The following GRIK3 variants were observed in gnomAD, a reference collection of about 807,000 sequenced individuals.
The protein encoded by GRIK3 is glutamate ionotropic receptor kainate type subunit 3.
GRIK3 carries 29 observed loss-of-function variants against 102.5 expected under a neutral mutation model. The ratio of observed to expected loss-of-function variants is 0.28; its 90% CI spans 0.21 to 0.39. The LOEUF (loss-of-function observed/expected upper bound fraction) is 0.39. Ranked by LOEUF, GRIK3 falls within the 10% of genes least tolerant of loss-of-function variation. The probability of loss-of-function intolerance (pLI) is 1.00; values close to 1 mark genes in which losing one functional copy is unlikely to be tolerated. For missense variants in GRIK3, 908 were observed against 1,252.4 expected (o/e 0.73, Z 4.15); for synonymous variants, 511 against 504.9 (o/e 1.01, Z -0.16).
chr1:36,814,517 C>CA (rs1216007450), intron 13 of GRIK3, among the ~76,000 whole-genome samples: 40 of 135,618 alleles, frequency 2.9e-4, no homozygotes, highest in African/African-American at 1.0e-3. Flanking sequence ...AGACCCCCCC[C>CA]CCCCACACAC....
chr1:36,997,135 C>T (rs926526017), intron 1 of GRIK3, among the ~76,000 whole-genome samples: 2 of 152,136 alleles, frequency 1.3e-5, no homozygotes, highest in African/African-American at 4.8e-5. Flanking sequence ...TCTAGGAGCT[C>T]CACCTCCAAG....
Position 36,801,875 on chromosome 1 carries a change from T to C in GRIK3, c.2736A>G (p.Thr912=). Residue 912 remains threonine (T), a synonymous_variant, in exon 16 of 16, where the codon ACA becomes ACG. Coordinates refer to ENST00000373091, the MANE Select transcript of GRIK3 (RefSeq NM_000831.4). ...CCTAGGGGAACACAGGGGCTAAGGA[T>C]GTGCTGCAGGCCATGCTGTCCTTGC... The part of the protein sequence containing the change: ...LPGKDSMACS[T]SLAPVFP 6.2e-7 allele frequency: 1 copy of C among 1,610,718 alleles called. No individual in the cohort carries two copies. Among genetic ancestry groups the C allele is most frequent in the Non-Finnish European group, 8.5e-7 (1 of 1,178,276 alleles).
Position 36,799,242 on chromosome 1 carries a change from GC to G in GRIK3, c.*2608del, listed in dbSNP as rs1347650035. 1 of 152,234 alleles carries G rather than the reference GC, an allele frequency of 6.6e-6. No homozygotes were observed. The highest frequency in any genetic ancestry group is 2.4e-5 in the African/African-American group (1 of 41,446). 9.4% of individuals were successfully genotyped at this position (152,234 alleles called of 1,614,324 possible). A position where few individuals can be genotyped will look rare whatever the true frequency, so the allele number is the denominator to read the frequency against. ...CCCGTCTCCTGGCAAGTGTGCCCAT[GC>G]AACCTTGGAACCTCTCTGTGACAAA... On this transcript the variant is annotated 3_prime_UTR_variant, in exon 16 of 16. Coordinates refer to ENST00000373091, the MANE Select transcript of GRIK3 (RefSeq NM_000831.4).
chr1:37,014,792 G>A (rs1377270844), intron 1 of GRIK3, among the ~76,000 whole-genome samples: 1 of 152,018 alleles, frequency 6.6e-6, no homozygotes, highest in Non-Finnish European at 1.5e-5. Flanking sequence ...GGCATTTGAG[G>A]ACTTGGTCAT....
chr1:36,871,588 C>T (rs1180039481), intron 4 of GRIK3, among the ~76,000 whole-genome samples: 1 of 152,212 alleles, frequency 6.6e-6, no homozygotes, highest in East Asian at 1.9e-4. Context: ...ACTGGCGGAG[C>T]TTGGCTCTCG....
At chr1:36,823,703 T>C (rs1233985039) in intron 11 of GRIK3, among the ~76,000 whole-genome samples, 1 of 152,140 alleles carries the variant, frequency 6.6e-6, no homozygotes, top group Non-Finnish European at 1.5e-5. Flanking sequence ...CCTATCACTA[T>C]GCCTGCTTCA....
chr1:36,924,497 G>C (rs895100051), intron 1 of GRIK3, among the ~76,000 whole-genome samples: 2 of 152,170 alleles, frequency 1.3e-5, no homozygotes, highest in Non-Finnish European at 2.9e-5. Context: ...GAGAGGGGAG[G>C]GGGAGTGGGT....
At chr1:37,032,969 G>C (rs1642844200) in intron 1 of GRIK3, among the ~76,000 whole-genome samples, 1 of 152,202 alleles carries the variant, frequency 6.6e-6, no homozygotes, top group African/African-American at 2.4e-5. Context: ...AGTCCGGCTC[G>C]CCTGGTGCCA....
At chr1:36,954,767 A>G (rs1211439068) in intron 1 of GRIK3, among the ~76,000 whole-genome samples, 1 of 152,272 alleles carries the variant, frequency 6.6e-6, no homozygotes, top group African/African-American at 2.4e-5. Flanking sequence ...ACACACATGC[A>G]TAGACAAATC....
Position 36,809,366 on chromosome 1 carries a change from T to A in GRIK3, c.2092-3040A>T, listed in dbSNP as rs138432993. 3.4e-3 allele frequency among the ~76,000 whole-genome samples: 511 copies of A among 152,208 alleles called. 3 individuals carry two copies. Among genetic ancestry groups the A allele is most frequent in the African/African-American group, 0.011 (477 of 41,530 alleles). On this transcript the variant is annotated intron_variant, in intron 13 of 15. Coordinates refer to ENST00000373091, the MANE Select transcript of GRIK3 (RefSeq NM_000831.4). Reference sequence around the variant, plus strand: ...ATTTATCCATCTATCCAACCATCTATCTATCCATCCATCCATCCGTCTGTT... The same window carrying A: ...ATTTATCCATCTATCCAACCATCTAACTATCCATCCATCCATCCGTCTGTT...
At chr1:36,809,981 G>T (rs562774895) in intron 13 of GRIK3, among the ~76,000 whole-genome samples, 1 of 152,142 alleles carries the variant, frequency 6.6e-6, no homozygotes, top group Non-Finnish European at 1.5e-5. Context: ...TCTGAAATCT[G>T]CTTTCCTAGA....
chr1:36,966,402 G>C (rs1402358358), intron 1 of GRIK3, among the ~76,000 whole-genome samples: 1 of 152,202 alleles, frequency 6.6e-6, no homozygotes, highest in East Asian at 1.9e-4. Context: ...AGTCAAGCTT[G>C]GACTGGGTGG....
At chr1:36,931,448 T>G (rs921120992) in intron 1 of GRIK3, among the ~76,000 whole-genome samples, 5 of 152,242 alleles carry the variant, frequency 3.3e-5, no homozygotes, top group African/African-American at 1.2e-4. Context: ...TGAATCCTGT[T>G]TGTTTCCCTC....
intron 1 of GRIK3, among the ~76,000 whole-genome samples, chr1:36,898,287 G>T (rs1641195330): frequency 6.6e-6 from 1 of 152,106 alleles, no homozygotes; most frequent in South Asian, 2.1e-4. Context: ...AGTGTAATTG[G>T]ATTGTTTGTA....
chr1:36,818,343 G>T (rs905564077), intron 12 of GRIK3, among the ~76,000 whole-genome samples: 1 of 152,182 alleles, frequency 6.6e-6, no homozygotes, highest in Non-Finnish European at 1.5e-5. Flanking sequence ...TGAGGCTCCA[G>T]GACACTCATT....
rs1424859744 is a variant in GRIK3, at chr1:37,024,751, A to AAG, written c.115+9242_115+9243insCT. ...GAGCAAGACTCCATCTCAAAAAAAA[A>AAG]AAAAAAAAAAAAGAGTTTGCTCAAG... On this transcript the variant is annotated intron_variant, in intron 1 of 15. Coordinates refer to ENST00000373091, the MANE Select transcript of GRIK3 (RefSeq NM_000831.4). Among the ~76,000 whole-genome samples the AAG allele has an allele frequency of 1.2e-4, 18 of 150,668 alleles. No homozygotes were observed. The South Asian group carries it at 1.7e-3, about 14-fold the overall frequency.
chr1:36,934,020 C>T (rs1034760263), intron 1 of GRIK3, among the ~76,000 whole-genome samples: 3 of 152,192 alleles, frequency 2.0e-5, no homozygotes, highest in Non-Finnish European at 4.4e-5. Flanking sequence ...GATACTGTGT[C>T]TTAGAGACCA....
intron 1 of GRIK3, among the ~76,000 whole-genome samples, chr1:36,939,626 T>G (rs957071352): frequency 1.3e-5 from 2 of 152,236 alleles, no homozygotes; most frequent in Non-Finnish European, 2.9e-5. Context: ...ATTTAACTGG[T>G]AGAAAACTAC....
At chr1:36,892,845 A>T (rs1641132472) in intron 1 of GRIK3, among the ~76,000 whole-genome samples, 1 of 152,368 alleles carries the variant, frequency 6.6e-6, no homozygotes. Flanking sequence ...GATAGATCAA[A>T]GGAACAGGAT....
Sources: allele counts gnomAD v4.1 joint callset (sites outside exome capture counted in the v4.1 genomes callset), GRCh38; gene constraint gnomAD v4.1.1; transcripts MANE v1.5; gene names NCBI Gene and HGNC (gene_info 2026-07-23, HGNC 2026-07-21).